The following MMP26 variants were observed in gnomAD, a reference collection of about 807,000 sequenced individuals.
MMP26 encodes matrix metallopeptidase 26.
Under a neutral mutation model 31.0 loss-of-function variants are expected in MMP26, and 33 were observed. That is an observed-to-expected ratio of 1.06 (90% confidence interval 0.81 to 1.42). The LOEUF is 1.42. Ranked by LOEUF, MMP26 falls within the 40% of genes most tolerant of loss-of-function variation. The probability of loss-of-function intolerance (pLI) is 0.00; values close to 1 mark genes in which losing one functional copy is unlikely to be tolerated. For synonymous variants in MMP26, 122 were observed against 114.9 expected (o/e 1.06, Z -0.40); for missense variants, 347 against 316.1 (o/e 1.10, Z -0.74).
chr11:4,828,890 A>T (rs1396669832), intron 2 of MMP26, among the ~76,000 whole-genome samples: 1 of 152,110 alleles, frequency 6.6e-6, no homozygotes, highest in Non-Finnish European at 1.5e-5. Context: ...GATATTCTGT[A>T]TCGCTTTTGT....
intron 1 of MMP26, among the ~76,000 whole-genome samples, chr11:4,730,415 A>G (rs529012348): frequency 4.2e-4 from 64 of 152,042 alleles, no homozygotes; most frequent in African/African-American, 1.3e-3. Flanking sequence ...AGAGAGAGAG[A>G]GAGAGAGAGA....
rs142793416 is a variant in MMP26 at position 4,901,392 on chromosome 11, C to A, written c.-144-86676C>A. On this transcript the variant is annotated intron_variant, in intron 2 of 7. Coordinates refer to ENST00000380390, the MANE Select transcript of MMP26 (RefSeq NM_021801.5). ...TGCCGGGATGGTCTCAATCTCCTGA[C>A]CTTGTGATCCGCCTGCCTCGGCCTC... Among the ~76,000 whole-genome samples, 108 of 152,022 alleles carry A rather than the reference C, an allele frequency of 7.1e-4. 1 individual carries two copies. Among genetic ancestry groups the A allele is most frequent in the African/African-American group, 2.4e-3 (100 of 41,466 alleles).
At chr11:4,899,624 G>T (rs905042097) in intron 2 of MMP26, among the ~76,000 whole-genome samples, 2 of 151,998 alleles carry the variant, frequency 1.3e-5, no homozygotes, top group Non-Finnish European at 2.9e-5. Context: ...CAGCTATCTG[G>T]GTACTGAACA....
chr11:4,762,040 A>G (rs768121150), intron 1 of MMP26, among the ~76,000 whole-genome samples: 19 of 152,198 alleles, frequency 1.2e-4, no homozygotes, highest in Non-Finnish European at 1.9e-4. Flanking sequence ...TTATCTGTAC[A>G]GTGATTATTG....
chr11:4,831,743 T>C (rs1229433771), intron 2 of MMP26, among the ~76,000 whole-genome samples: 2 of 152,192 alleles, frequency 1.3e-5, no homozygotes, highest in Non-Finnish European at 2.9e-5. Flanking sequence ...TACATGACCA[T>C]TGACCACATG....
chr11:4,983,561 C>T (rs1366110920), intron 2 of MMP26, among the ~76,000 whole-genome samples: 2 of 152,182 alleles, frequency 1.3e-5, no homozygotes, highest in South Asian at 2.1e-4. Context: ...TAGGAGAGGT[C>T]CTAGGCACAG....
At chr11:4,962,403 A>AT (rs1295549737) in intron 2 of MMP26, among the ~76,000 whole-genome samples, 1 of 152,174 alleles carries the variant, frequency 6.6e-6, no homozygotes, top group Non-Finnish European at 1.5e-5. Flanking sequence ...TTGCTTTCTT[A>AT]TTTATCAATA....
Position 4,991,372 on chromosome 11 carries a change from C to G in MMP26, c.471C>G (p.Ala157=), listed in dbSNP as rs746713506. The change falls in exon 6 of 8, where the codon GCC becomes GCG. Residue 157 remains alanine, a splice_region_variant and synonymous_variant. Coordinates refer to ENST00000380390, the MANE Select transcript of MMP26 (RefSeq NM_021801.5). ...ADIKVSFWQW[A]HEDGWPFDGP... ...GATCATAGCTTCTGTCGTCCACAGCCCATGAAGATGGTTGGCCCTTTGATG... is the reference window on the plus strand; with the variant it reads ...GATCATAGCTTCTGTCGTCCACAGCGCATGAAGATGGTTGGCCCTTTGATG... The G allele has an allele frequency of 1.9e-6, 3 of 1,612,530 alleles. No homozygotes were observed. The East Asian group carries it at 6.7e-5, about 36-fold the overall frequency.
At chr11:4,981,815 G>A (rs78322860) in intron 2 of MMP26, among the ~76,000 whole-genome samples, 7,481 of 151,318 alleles carry the variant, frequency 0.049, 632 homozygotes, top group African/African-American at 0.17. Flanking sequence ...ATACTTTTAA[G>A]TTTTTTTCTT....
At chr11:4,944,008 C>A in intron 2 of MMP26, 1 of 420,954 alleles carries the variant, frequency 2.4e-6, no homozygotes, top group South Asian at 1.8e-5. Context: ...GCTGCCTATC[C>A]GCACACTGGG....
At position 4,844,409 on chromosome 11, in the gene MMP26, C is replaced by T. The variant is rs548286791; in HGVS notation, c.-145+77068C>T. Among the ~76,000 whole-genome samples the T allele has an allele frequency of 6.6e-5, 10 of 152,220 alleles. No individual in the cohort carries two copies. In the South Asian group the frequency reaches 2.1e-3, roughly 31 times the overall value. On this transcript the variant is annotated intron_variant, in intron 2 of 7. Transcript: ENST00000380390. ...GAAGAGGAAGGAATACTTCCACACT[C>T]ATTCTATGAGGTCAGTATTACCATG... is the stretch of plus-strand genomic sequence containing the variant.
At chr11:4,827,499 G>A (rs1849593804) in intron 2 of MMP26, among the ~76,000 whole-genome samples, 1 of 152,034 alleles carries the variant, frequency 6.6e-6, no homozygotes, top group South Asian at 2.1e-4. Flanking sequence ...CAGGGCAATG[G>A]AGAAAGTGCT....
intron 2 of MMP26, among the ~76,000 whole-genome samples, chr11:4,886,565 T>G (rs1157272031): frequency 6.6e-6 from 1 of 151,800 alleles, no homozygotes; most frequent in African/African-American, 2.4e-5. Context: ...AATAAATACA[T>G]GTACTGCTGT....
intron 2 of MMP26, among the ~76,000 whole-genome samples, chr11:4,823,868 CG>C (rs1849545676): frequency 6.6e-6 from 1 of 152,082 alleles, no homozygotes; most frequent in South Asian, 2.1e-4. Flanking sequence ...ATGAGATAAA[CG>C]TTGTTCATAA....
intron 2 of MMP26, among the ~76,000 whole-genome samples, chr11:4,836,998 G>A (rs1050153959): frequency 6.6e-6 from 1 of 152,004 alleles, no homozygotes. Flanking sequence ...AAGTATAAAG[G>A]AAACTAAATT....
chr11:4,986,944 T>TCTCTCTCTCTCC (rs1846906544), intron 2 of MMP26, among the ~76,000 whole-genome samples: 1 of 135,668 alleles, frequency 7.4e-6, no homozygotes, highest in Non-Finnish European at 1.6e-5. Flanking sequence ...TCTCTCTCTC[T>TCTCTCTCTCTCC]CTCTCTCTCT....
intron 1 of MMP26, among the ~76,000 whole-genome samples, chr11:4,753,223 A>G (rs1589891002): frequency 1.3e-5 from 2 of 152,146 alleles, no homozygotes; most frequent in Admixed American, 1.3e-4. Context: ...TCGAATAGTA[A>G]CCATTATTCT....
intron 1 of MMP26, among the ~76,000 whole-genome samples, chr11:4,757,979 A>G (rs1414221554): frequency 6.6e-6 from 1 of 152,108 alleles, no homozygotes; most frequent in Non-Finnish European, 1.5e-5. Context: ...AACTTACCAT[A>G]TGATCCAGAA....
rs556390974 is a variant in MMP26 at position 4,907,630 on chromosome 11, C to T, written c.-144-80438C>T. 219 of 1,614,008 alleles carry T rather than the reference C, an allele frequency of 1.4e-4. 3 individuals are homozygous for T. In the South Asian group the frequency reaches 2.2e-3, roughly 16 times the overall value. Reference sequence around the variant, plus strand: ...CTACCATGTTGAGGGTCTTCTTGTTCAATGCCATGGGAATTTCACCTAATG... The same window carrying T: ...CTACCATGTTGAGGGTCTTCTTGTTTAATGCCATGGGAATTTCACCTAATG... On this transcript the variant is annotated intron_variant, in intron 2 of 7. Coordinates refer to ENST00000380390, the MANE Select transcript of MMP26 (RefSeq NM_021801.5).
Sources: gnomAD v4.1 joint callset for allele counts (sites outside exome capture counted in the v4.1 genomes callset) on GRCh38, gnomAD v4.1.1 for gene constraint, MANE v1.5 for transcripts, NCBI Gene and HGNC (gene_info 2026-07-23, HGNC 2026-07-21) for gene names.